LAP3: variants seen among roughly 807,000 people sequenced by gnomAD.
LAP3 encodes the protein cytosol aminopeptidase.
A neutral mutation model predicts 58.8 loss-of-function variants in LAP3; 46 were observed. The ratio of observed to expected loss-of-function variants is 0.78; its 90% confidence interval spans 0.62 to 1.00. The LOEUF is 1.00. Among genes scored for constraint, LAP3 ranks in the 50% least tolerant of loss-of-function variants. The pLI is 0.00. For missense variants in LAP3, 615 were observed against 659.1 expected (o/e 0.93, Z 0.73); for synonymous variants, 257 against 237.7 (o/e 1.08, Z -0.75).
Position 17,583,463 on chromosome 4 carries a change from G to T in LAP3, c.380-20G>T, listed in dbSNP as rs767194549. On this transcript the variant is annotated intron_variant, in intron 4 of 12. Transcript: ENST00000226299. ...TGTCTTGGACTGACTCCAGTTTTCT[G>T]ATTCCTCTGTCTTTTCAAGCGGGGT... is the stretch of plus-strand genomic sequence containing the variant. 1.2e-5 allele frequency: 19 copies of T among 1,612,584 alleles called. No individual in the cohort carries two copies. Among genetic ancestry groups the T allele is most frequent in the Middle Eastern group, 2.0e-4 (1 of 5,086 alleles).
intron 1 of LAP3, among the ~76,000 whole-genome samples, chr4:17,579,185 G>T (rs1713286897): frequency 6.6e-6 from 1 of 152,210 alleles, no homozygotes; most frequent in Non-Finnish European, 1.5e-5. Flanking sequence ...GCTTGGGTTA[G>T]TAAATTGTGG....
At chr4:17,594,518 C>G (rs563386005) in intron 7 of LAP3, among the ~76,000 whole-genome samples, 1 of 152,274 alleles carries the variant, frequency 6.6e-6, no homozygotes, top group East Asian at 1.9e-4. Context: ...GAGTCGAAGC[C>G]CCTGGCTCTG....
intron 5 of LAP3, among the ~76,000 whole-genome samples, chr4:17,584,179 G>A (rs943521226): frequency 6.6e-6 from 1 of 152,250 alleles, no homozygotes. Context: ...GGGAGAGTGC[G>A]GGCTCTGCAG....
chr4:17,602,053 A>G (rs535091322), intron 10 of LAP3, among the ~76,000 whole-genome samples: 73 of 152,324 alleles, frequency 4.8e-4, no homozygotes, highest in African/African-American at 1.7e-3. Context: ...ACTTGGACAT[A>G]CTTTGCATTG....
intron 7 of LAP3, among the ~76,000 whole-genome samples, chr4:17,590,177 A>C (rs1245302491): frequency 6.6e-6 from 1 of 152,250 alleles, no homozygotes; most frequent in Non-Finnish European, 1.5e-5. Context: ...CTCAGGGTAC[A>C]GAATATAGCA....
Position 17,585,014 on chromosome 4 carries a change from TG to T in LAP3, c.585del (p.Gln196ArgfsTer7). 1 of 1,614,152 alleles carries T rather than the reference TG, an allele frequency of 6.2e-7. No individual in the cohort carries two copies. The highest frequency in any genetic ancestry group is 8.5e-7 in the Non-Finnish European group (1 of 1,179,998). ...GGCAGAAAGGAGTCCTGTTTGCTTC[TG>T]GGCAGAACTTGGCACGCCAATTGAT... is the stretch of plus-strand genomic sequence containing the variant. ...AWQKGVLFAS[G>X]QNLARQLMET... On this transcript the variant is annotated frameshift_variant, in exon 6 of 13. Coordinates refer to ENST00000226299, the MANE Select transcript of LAP3 (RefSeq NM_015907.3). LOFTEE classifies it high-confidence loss of function.
At position 17,585,066 on chromosome 4, in the gene LAP3, C is replaced by G. The variant is rs1188034845; in HGVS notation, c.634C>G (p.Pro212Ala). ...GGAGACGCCAGCCAATGAGATGACG[C>G]CAACCAGATTTGCTGAAATTATTGA... ...LMETPANEMT[P>A]TRFAEIIEKN... Residue 212 changes from proline (P) to alanine (A), a missense_variant, in exon 6 of 13, where the codon CCA becomes GCA. Physicochemically the swap from Pro to Ala is conservative, Grantham distance 27. Coordinates refer to ENST00000226299, the MANE Select transcript of LAP3 (RefSeq NM_015907.3). The G allele has an allele frequency of 6.2e-7, 1 of 1,614,014 alleles. No homozygotes were observed. The highest frequency in any genetic ancestry group is 1.7e-5 in the Admixed American group (1 of 60,004).
In LAP3 at chr4:17,595,273, C is replaced by T. The variant is rs959081634; in HGVS notation, c.864-137C>T. 18 of 840,628 alleles carry T rather than the reference C, an allele frequency of 2.1e-5. No individual in the cohort carries two copies. In the East Asian group the frequency reaches 4.2e-4, roughly 20 times the overall value. 52.1% of individuals were successfully genotyped at this position (840,628 alleles called of 1,614,324 possible). A position where few individuals can be genotyped will look rare whatever the true frequency, so the allele number is the denominator to read the frequency against. The stretch of plus-strand genomic sequence containing the variant: ...CAGGATGGTCTCGATCTCCTGACCT[C>T]GTGATCCGCCCACCTCGGCCTCCCA... On this transcript the variant is annotated intron_variant, in intron 7 of 12. Transcript: ENST00000226299.
Position 17,581,759 on chromosome 4 carries a change from G to C in LAP3, c.219-1G>C. The C allele has an allele frequency of 6.2e-7, 1 of 1,613,378 alleles. No individual in the cohort carries two copies. Among genetic ancestry groups the C allele is most frequent in the Non-Finnish European group, 8.5e-7 (1 of 1,179,470 alleles). ...AAAACGACTATTTCCTCTTGTTTTA[G>C]ATCTGGACCACCTCTGAAGGCAGGG... On this transcript the variant is annotated splice_acceptor_variant, in intron 2 of 12. Transcript: ENST00000226299. LOFTEE classifies it high-confidence loss of function.
chr4:17,597,206 A>T (rs1167328261), intron 9 of LAP3, 72 bp downstream of exon 9: 1 of 1,243,040 alleles, frequency 8.0e-7, no homozygotes, highest in Non-Finnish European at 1.2e-6. Flanking sequence ...ACATAACCAC[A>T]GCTAGGATGC....
chr4:17,577,704 C>T, intron 1 of LAP3, 137 bp downstream of exon 1: 1 of 663,088 alleles, frequency 1.5e-6, no homozygotes, highest in Non-Finnish European at 2.5e-6. Flanking sequence ...GAAAAATTCT[C>T]TCCTTGCGGG....
chr4:17,578,158 GAA>G lies in LAP3; in HGVS notation c.102+592_102+593del, dbSNP rs536420548. Among the ~76,000 whole-genome samples, 78 of 152,322 alleles carry G rather than the reference GAA, an allele frequency of 5.1e-4. 1 individual carries two copies. The East Asian group carries it at 0.014, about 27-fold the overall frequency. ...TTCAGATGTGAAGGATCTGCAAAGG[GAA>G]TGGCTCTCGGAACCAGCACAAGCTT... On this transcript the variant is annotated intron_variant, in intron 1 of 12. Coordinates refer to ENST00000226299, the MANE Select transcript of LAP3 (RefSeq NM_015907.3).
rs1458483013 is a variant in LAP3 at position 17,581,784 on chromosome 4, G to A, written c.243G>A (p.Gly81=). 6 of 1,613,786 alleles carry A rather than the reference G, an allele frequency of 3.7e-6. No homozygotes were observed. The highest frequency in any genetic ancestry group is 5.1e-6 in the Non-Finnish European group (6 of 1,179,880). The change falls in exon 3 of 13, where the codon GGG becomes GGA. Residue 81 remains glycine, a synonymous_variant. Transcript: ENST00000226299. ...LNISGPPLKA[G]KTRTFYGLHQ... is the part of the protein sequence containing the mutation. ...GATCTGGACCACCTCTGAAGGCAGGGAAGACTCGAACCTTTTATGGTCTGC... is the reference window on the plus strand; with the variant it reads ...GATCTGGACCACCTCTGAAGGCAGGAAAGACTCGAACCTTTTATGGTCTGC...
At position 17,581,181 on chromosome 4, in the gene LAP3, G is replaced by A. The variant is rs531784633; in HGVS notation, c.219-579G>A. ...AGTCAGTATCCGGTTCGGGTATCCA[G>A]TCTGTGGAGAAACCACATAGATATA... On this transcript the variant is annotated intron_variant, in intron 2 of 12. Coordinates refer to ENST00000226299, the MANE Select transcript of LAP3 (RefSeq NM_015907.3). 5.9e-5 allele frequency among the ~76,000 whole-genome samples: 9 copies of A among 152,308 alleles called. No individual in the cohort carries two copies. In the South Asian group the frequency reaches 1.9e-3, roughly 32 times the overall value.
intron 11 of LAP3, among the ~76,000 whole-genome samples, chr4:17,606,489 C>G (rs953542666): frequency 1.3e-5 from 2 of 152,118 alleles, no homozygotes; most frequent in African/African-American, 4.8e-5. Context: ...CAGGCGCGCA[C>G]CACCACGCCC....
chr4:17,595,398 A>G lies in LAP3; in HGVS notation c.864-12A>G. 6.2e-7 allele frequency: 1 copy of G among 1,612,598 alleles called. No individual in the cohort carries two copies. The highest frequency in any genetic ancestry group is 8.5e-7 in the Non-Finnish European group (1 of 1,179,386). On this transcript the variant is annotated splice_polypyrimidine_tract_variant and intron_variant, in intron 7 of 12. Coordinates refer to ENST00000226299, the MANE Select transcript of LAP3 (RefSeq NM_015907.3). Reference sequence around the variant, plus strand: ...TTGCTCTTAATATTGCACGTTGTCCATTTCCCCATAGTGGTGGTATCTCCA... The same window carrying G: ...TTGCTCTTAATATTGCACGTTGTCCGTTTCCCCATAGTGGTGGTATCTCCA...
At chr4:17,587,289 C>T (rs74607359) in intron 6 of LAP3, among the ~76,000 whole-genome samples, 2,060 of 152,238 alleles carry the variant, frequency 0.014, 20 homozygotes, top group Middle Eastern at 0.017. Flanking sequence ...GAGACATAGC[C>T]GCGCTAAGCA....
At chr4:17,601,927 GA>G (rs1713990103) in intron 10 of LAP3, among the ~76,000 whole-genome samples, 1 of 152,192 alleles carries the variant, frequency 6.6e-6, no homozygotes, top group Admixed American at 6.5e-5. Context: ...CATAGATGCA[GA>G]ACACACGGAT....
Position 17,577,311 on chromosome 4 carries a change from T to C in LAP3, c.-155T>C, listed in dbSNP as rs1315801241. 1 of 236,500 alleles carries C rather than the reference T, an allele frequency of 4.2e-6. No homozygotes were observed. Among genetic ancestry groups the C allele is most frequent in the East Asian group, 1.4e-4 (1 of 7,102 alleles). The allele number at this position is 236,500 out of a possible 1,614,324, so 14.7% of individuals were successfully genotyped here. On this transcript the variant is annotated 5_prime_UTR_variant, in exon 1 of 13. Coordinates refer to ENST00000226299, the MANE Select transcript of LAP3 (RefSeq NM_015907.3). ...CGGTCCAGTCGGCCGGTGCTGCCCA[T>C]CCGTCCCGCCCCCTAGACGCACGTC...
Sources: gnomAD v4.1 joint callset for allele counts (sites outside exome capture counted in the v4.1 genomes callset) on GRCh38, gnomAD v4.1.1 for gene constraint, MANE v1.5 for transcripts, NCBI Gene and HGNC (gene_info 2026-07-23, HGNC 2026-07-21) for gene names.